The following PRDM1 variants were observed in gnomAD, a reference collection of about 807,000 sequenced individuals.
The protein encoded by PRDM1 is PR domain zinc finger protein 1.
Under a neutral mutation model 62.8 loss-of-function variants are expected in PRDM1, and 13 were observed. The ratio of observed to expected loss-of-function variants is 0.21; its 90% CI spans 0.13 to 0.33. The LOEUF (loss-of-function observed/expected upper bound fraction) is 0.33. Ranked by LOEUF, PRDM1 falls within the 10% of genes least tolerant of loss-of-function variation. The pLI, the probability that PRDM1 is intolerant of heterozygous loss-of-function variation, is 1.00. For synonymous variants in PRDM1, 396 were observed against 417.6 expected (o/e 0.95, Z 0.63); for missense variants, 895 against 1,058.8 (o/e 0.85, Z 2.15).
chr6:106,073,217 C>T (rs925085000), intron 1 of PRDM1, among the ~76,000 whole-genome samples: 1 of 151,424 alleles, frequency 6.6e-6, no homozygotes, highest in African/African-American at 2.4e-5. Flanking sequence ...TGGGTTCAAG[C>T]GATTCTTCTG....
chr6:106,067,450 C>T (rs754078257), intron 1 of PRDM1, among the ~76,000 whole-genome samples: 1 of 151,974 alleles, frequency 6.6e-6, no homozygotes, highest in Non-Finnish European at 1.5e-5. Flanking sequence ...ACTTATATGC[C>T]AGTGTTCATA....
intron 1 of PRDM1, among the ~76,000 whole-genome samples, chr6:106,009,241 T>G (rs149639900): frequency 6.6e-6 from 1 of 152,362 alleles, no homozygotes; most frequent in East Asian, 1.9e-4. Flanking sequence ...GAAGTATGTA[T>G]GTGACAATCA....
rs185846164 is a variant in PRDM1 at position 106,070,224 on chromosome 6, T to C, written c.-66-17977T>C. 2.2e-4 allele frequency among the ~76,000 whole-genome samples: 33 copies of C among 152,344 alleles called. No homozygotes were observed. The East Asian group carries it at 5.0e-3, about 23-fold the overall frequency. On this transcript the variant is annotated intron_variant, in intron 1 of 6. Coordinates refer to the PRDM1 transcript ENST00000651185. ...CTAATTAGAGGAATAGAATTTGGAA[T>C]CAACATTTCAGATACCCCCTTCTAA...
chr6:106,106,122 CCTGATTTTCTT>C lies in PRDM1; in HGVS notation c.1773+194_1773+204del, dbSNP rs2114659442. ...ACTTTGGACAAGTGACTTCCCTTCT[CCTGATTTTCTT>C]CTGAATAATAAAAAAATTAGGGGTT... On this transcript the variant is annotated intron_variant, in intron 5 of 6. Transcript: ENST00000369096. This position sits in a 1 kb window ranked among gnomAD's most constrained non-coding sequence, Gnocchi z 4.4. Among the ~76,000 whole-genome samples, 1 of 152,296 alleles carries C rather than the reference CCTGATTTTCTT, an allele frequency of 6.6e-6. No individual in the cohort carries two copies. Among genetic ancestry groups the C allele is most frequent in the African/African-American group, 2.4e-5 (1 of 41,560 alleles).
chr6:106,088,127 A>C, intron 1 of PRDM1, 74 bp from the exon 2 acceptor site: 2 of 1,510,386 alleles, frequency 1.3e-6, no homozygotes, highest in South Asian at 2.6e-5. Flanking sequence ...CTACTGTATT[A>C]GTCATAGCCT....
At chr6:105,995,769 G>A (rs933313342) in intron 1 of PRDM1, among the ~76,000 whole-genome samples, 4 of 151,744 alleles carry the variant, frequency 2.6e-5, no homozygotes, top group Non-Finnish European at 5.9e-5. Context: ...TTAATTAGGA[G>A]GCACAATGAA....
At chr6:105,997,716 A>G (rs1772364850) in intron 1 of PRDM1, among the ~76,000 whole-genome samples, 1 of 152,216 alleles carries the variant, frequency 6.6e-6, no homozygotes, top group South Asian at 2.1e-4. Context: ...ATTTTGAAAC[A>G]TTTCTTTACC....
intron 1 of PRDM1, among the ~76,000 whole-genome samples, chr6:105,995,468 T>G (rs1300305136): frequency 1.3e-5 from 2 of 152,224 alleles, no homozygotes; most frequent in African/African-American, 4.8e-5. Context: ...TACTTGGCAG[T>G]CATTGCTGAA....
At position 106,107,451 on chromosome 6, in the gene PRDM1, G is replaced by T; in HGVS notation, c.2443G>T (p.Val815Phe). 1 of 1,609,976 alleles carries T rather than the reference G, an allele frequency of 6.2e-7. No individual in the cohort carries two copies. Among genetic ancestry groups the T allele is most frequent in the Non-Finnish European group, 8.5e-7 (1 of 1,178,386 alleles). Reference sequence around the variant, plus strand: ...CCCACTACCTCTGGTACCTGTAAAGGTCAAACAAGAAACAGTTGAACCAAT... The same window carrying T: ...CCCACTACCTCTGGTACCTGTAAAGTTCAAACAAGAAACAGTTGAACCAAT... ...SNPLPLVPVK[V>F]KQETVEPMDP The change falls in exon 7 of 7, where the codon GTC becomes TTC. Residue 815 changes from valine to phenylalanine, a missense_variant. Coordinates refer to ENST00000369096, the MANE Select transcript of PRDM1 (RefSeq NM_001198.4).
chr6:106,042,791 T>C (rs1199849018), intron 1 of PRDM1, among the ~76,000 whole-genome samples: 1 of 152,150 alleles, frequency 6.6e-6, no homozygotes, highest in Non-Finnish European at 1.5e-5. Context: ...GCTAGAAAGC[T>C]TCTCTTCATC....
At chr6:106,100,653 A>G (rs1478951621) in intron 4 of PRDM1, 2 of 152,234 alleles carry the variant, frequency 1.3e-5, no homozygotes, top group East Asian at 1.9e-4. Flanking sequence ...CCCTAGTCAT[A>G]TATAATCCAA....
upstream of PRDM1, chr6:106,086,223 TGGG>T (rs1773798411): frequency 2.7e-6 from 1 of 367,892 alleles, no homozygotes; most frequent in Non-Finnish European, 4.9e-6. Flanking sequence ...GCTAGCAATC[TGGG>T]GGAAAGCCCT....
At chr6:106,101,316 G>A (rs767604585) in intron 4 of PRDM1, among the ~76,000 whole-genome samples, 8 of 151,766 alleles carry the variant, frequency 5.3e-5, no homozygotes, top group Non-Finnish European at 7.4e-5. Flanking sequence ...CATGCTTCCC[G>A]CACCCTGTGC....
intron 1 of PRDM1, among the ~76,000 whole-genome samples, chr6:106,006,015 C>A (rs1420461238): frequency 6.6e-6 from 1 of 152,182 alleles, no homozygotes; most frequent in Non-Finnish European, 1.5e-5. Context: ...TGAGGCACTT[C>A]TAGCCTTTTC....
chr6:106,087,412 A>T (rs1168813606), intron 1 of PRDM1, among the ~76,000 whole-genome samples: 2 of 152,238 alleles, frequency 1.3e-5, no homozygotes, highest in Non-Finnish European at 1.5e-5. Flanking sequence ...AGGGAATTTT[A>T]TTAAACGGTT....
rs1449409725 is a variant in PRDM1 at position 106,107,945 on chromosome 6, G to A, written c.*459G>A. The A allele has an allele frequency of 4.3e-6, 1 of 232,342 alleles. No individual in the cohort carries two copies. The highest frequency in any genetic ancestry group is 8.5e-6 in the Non-Finnish European group (1 of 117,336). 14.4% of individuals were successfully genotyped at this position (232,342 alleles called of 1,614,324 possible). A position where few individuals can be genotyped will look rare whatever the true frequency, so the allele number is the denominator to read the frequency against. ...GTAATTTGAGTATAAATGTATTTTT[G>A]TCTTGTGGCCATTCTTTGTAGATAA... On this transcript the variant is annotated 3_prime_UTR_variant, in exon 7 of 7. Transcript: ENST00000369096.
In PRDM1 at chr6:106,107,845, T is replaced by C. The variant is rs1774547397; in HGVS notation, c.*359T>C. 3 of 232,326 alleles carry C rather than the reference T, an allele frequency of 1.3e-5. No homozygotes were observed. The highest frequency in any genetic ancestry group is 5.6e-5 in the Admixed American group (1 of 17,730). The allele number at this position is 232,326 out of a possible 1,614,324, so 14.4% of individuals were successfully genotyped here. A position where few individuals can be genotyped will look rare whatever the true frequency, so the allele number is the denominator to read the frequency against. ...ATAATTATTTTTTCAATGATAATCC[T>C]TCATAATTTATTATACAATTTATCA... On this transcript the variant is annotated 3_prime_UTR_variant, in exon 7 of 7. Coordinates refer to ENST00000369096, the MANE Select transcript of PRDM1 (RefSeq NM_001198.4).
rs779670956 is a variant in PRDM1 at position 106,104,936 on chromosome 6, A to G, written c.776A>G (p.Asn259Ser). ...SVKEILKLDS[N>S]PSKGKDLYRS... ...AAAGAAATCCTAAAATTGGACTCCA[A>G]CCCCTCCAAAGGAAAGGACCTCTAC... is the stretch of plus-strand genomic sequence containing the variant. The change falls in exon 5 of 7, where the codon AAC becomes AGC. Residue 259 changes from asparagine (N) to serine (S), a missense_variant. Transcript: ENST00000369096. The G allele has an allele frequency of 2.9e-5, 46 of 1,613,592 alleles. No individual in the cohort carries two copies. The highest frequency in any genetic ancestry group is 1.0e-4 in the Admixed American group (6 of 59,924).
At chr6:106,068,746 T>C (rs1773470422) in intron 1 of PRDM1, among the ~76,000 whole-genome samples, 1 of 152,208 alleles carries the variant, frequency 6.6e-6, no homozygotes, top group Admixed American at 6.5e-5. Context: ...CAGCATCATG[T>C]CATCTGCAAA....
Sources: allele counts gnomAD v4.1 joint callset (sites outside exome capture counted in the v4.1 genomes callset), GRCh38; gene constraint gnomAD v4.1.1; non-coding constraint Gnocchi (gnomAD v3.1); transcripts MANE v1.5; gene names NCBI Gene and HGNC (gene_info 2026-07-23, HGNC 2026-07-21).